GRK5: variants seen among roughly 807,000 people sequenced by gnomAD.
The protein encoded by GRK5 is G protein-coupled receptor kinase 5.
A neutral mutation model predicts 78.4 loss-of-function variants in GRK5; 40 were observed. The ratio of observed to expected loss-of-function variants is 0.51; its 90% CI spans 0.40 to 0.66. The LOEUF (loss-of-function observed/expected upper bound fraction) is 0.66. GRK5 is among the 30% of genes least tolerant of loss of function. The pLI, the probability that GRK5 is intolerant of heterozygous loss-of-function variation, is 0.00. For synonymous variants in GRK5, 289 were observed against 296.8 expected (o/e 0.97, Z 0.27); for missense variants, 598 against 759.9 (o/e 0.79, Z 2.50).
At chr10:119,307,295 T>C (rs1850287425) in intron 1 of GRK5, among the ~76,000 whole-genome samples, 1 of 152,020 alleles carries the variant, frequency 6.6e-6, no homozygotes, top group South Asian at 2.1e-4. Context: ...TAAGGCTGAA[T>C]CATGGTCCCC....
chr10:119,320,386 T>C (rs1330929268), intron 1 of GRK5, among the ~76,000 whole-genome samples: 2 of 152,206 alleles, frequency 1.3e-5, no homozygotes, highest in African/African-American at 2.4e-5. Context: ...AGCTGTGGGC[T>C]GGGTCTGGGA....
chr10:119,298,344 G>A (rs1482768576), intron 1 of GRK5, among the ~76,000 whole-genome samples: 1 of 152,152 alleles, frequency 6.6e-6, no homozygotes, highest in African/African-American at 2.4e-5. Context: ...AAACAGAGTG[G>A]AGACCTGAGG....
intron 1 of GRK5, among the ~76,000 whole-genome samples, chr10:119,275,978 C>T (rs1849664254): frequency 6.6e-6 from 1 of 152,050 alleles, no homozygotes. Flanking sequence ...TTTGAGAATC[C>T]CCCTCATTTG....
intron 1 of GRK5, among the ~76,000 whole-genome samples, chr10:119,263,112 A>G (rs1307323036): frequency 2.0e-5 from 3 of 152,006 alleles, no homozygotes; most frequent in Admixed American, 1.3e-4. Context: ...AGTTCAAGCC[A>G]TTCTCCTGCC....
At position 119,369,925 on chromosome 10, in the gene GRK5, CCAG is replaced by C. The variant is rs556208864; in HGVS notation, c.149-10889_149-10887del. Among the ~76,000 whole-genome samples, 24 of 152,264 alleles carry C rather than the reference CCAG, an allele frequency of 1.6e-4. No homozygotes were observed. The South Asian group carries it at 5.0e-3, about 32-fold the overall frequency. On this transcript the variant is annotated intron_variant, in intron 2 of 15. Coordinates refer to ENST00000392870, the MANE Select transcript of GRK5 (RefSeq NM_005308.3). Reference sequence around the variant, plus strand: ...CACCCCTGACCCTCCGTTTACCCAGCCAGTTCTTTGCCCATTCCCACTGCAAGG... The same window carrying C: ...CACCCCTGACCCTCCGTTTACCCAGCTTCTTTGCCCATTCCCACTGCAAGG...
intron 2 of GRK5, among the ~76,000 whole-genome samples, chr10:119,341,994 C>T (rs1422128347): frequency 2.0e-5 from 3 of 152,182 alleles, no homozygotes; most frequent in Admixed American, 6.5e-5. Context: ...GGCCCCTATC[C>T]GACCTCAATG....
At chr10:119,439,271 C>A (rs2133903769) in intron 9 of GRK5, among the ~76,000 whole-genome samples, 1 of 152,394 alleles carries the variant, frequency 6.6e-6, no homozygotes, top group Middle Eastern at 3.4e-3. Flanking sequence ...ATATGCCAGT[C>A]TCCTGCAGGC....
At chr10:119,293,425 T>C (rs777892450) in intron 1 of GRK5, among the ~76,000 whole-genome samples, 1 of 152,198 alleles carries the variant, frequency 6.6e-6, no homozygotes, top group Non-Finnish European at 1.5e-5. Flanking sequence ...AAAGCTTGAA[T>C]ACAATTGAGG....
chr10:119,406,670 G>T (rs1852245440), intron 4 of GRK5, among the ~76,000 whole-genome samples: 1 of 152,246 alleles, frequency 6.6e-6, no homozygotes, highest in Non-Finnish European at 1.5e-5. Context: ...AGCTGCCCCT[G>T]CTGGGCCATC....
intron 1 of GRK5, among the ~76,000 whole-genome samples, chr10:119,240,679 G>T (rs1849010425): frequency 1.3e-5 from 2 of 151,902 alleles, no homozygotes; most frequent in South Asian, 4.2e-4. Context: ...TTTTGATGGG[G>T]TTGTTTTTTT....
chr10:119,234,110 A>G (rs963465031), intron 1 of GRK5, among the ~76,000 whole-genome samples: 1 of 152,194 alleles, frequency 6.6e-6, no homozygotes, highest in African/African-American at 2.4e-5. Context: ...TCATCACCAA[A>G]ATAGCTGTAA....
intron 2 of GRK5, among the ~76,000 whole-genome samples, chr10:119,334,124 A>G (rs1292536679): frequency 6.6e-6 from 1 of 152,142 alleles, no homozygotes; most frequent in Non-Finnish European, 1.5e-5. Flanking sequence ...GGCCAGGTGC[A>G]GCGGTGCAGG....
intron 1 of GRK5, among the ~76,000 whole-genome samples, chr10:119,234,664 CT>C (rs200101550): frequency 6.6e-6 from 1 of 151,652 alleles, no homozygotes; most frequent in African/African-American, 2.4e-5. Context: ...TCTCCCTCCC[CT>C]TTTTTCTTTT....
chr10:119,273,238 T>C (rs1589715412), intron 1 of GRK5, among the ~76,000 whole-genome samples: 1 of 151,770 alleles, frequency 6.6e-6, no homozygotes, highest in Admixed American at 6.6e-5. Context: ...ATAAAGCAGG[T>C]GATTTTGAGA....
At chr10:119,450,839 T>C (rs1186420008) in intron 13 of GRK5, among the ~76,000 whole-genome samples, 4 of 152,048 alleles carry the variant, frequency 2.6e-5, no homozygotes, top group Admixed American at 2.6e-4. Flanking sequence ...GTTCCTGGCA[T>C]CCGAGGCCTC....
rs189153116 is a variant in GRK5, at chr10:119,208,103, C to A, written c.52+134C>A. The A allele has an allele frequency of 5.9e-3, 4,479 of 760,418 alleles. 22 individuals are homozygous for A. The highest frequency in any genetic ancestry group is 0.026 in the Middle Eastern group (74 of 2,806). The allele number at this position is 760,418 out of a possible 1,614,324, so 47.1% of individuals were successfully genotyped here. ...CGAGTGGGTCGCGAGCAGGACACTTCGGAGAGCGGCTCTGCAGACCCTTCA... is the reference window on the plus strand; with the variant it reads ...CGAGTGGGTCGCGAGCAGGACACTTAGGAGAGCGGCTCTGCAGACCCTTCA... On this transcript the variant is annotated intron_variant, in intron 1 of 15. Transcript: ENST00000392870.
chr10:119,253,568 C>G lies in GRK5; in HGVS notation c.52+45599C>G, dbSNP rs1416997404. On this transcript the variant is annotated intron_variant, in intron 1 of 15. Coordinates refer to ENST00000392870, the MANE Select transcript of GRK5 (RefSeq NM_005308.3). This position sits in a 1 kb window ranked among gnomAD's most constrained non-coding sequence, Gnocchi z 5.7. ...CTTGCGGGATGCTGCCCCACCACGG[C>G]TGGAACCAGGGCTTCAGCCCGGCGC... Among the ~76,000 whole-genome samples, 1 of 152,248 alleles carries G rather than the reference C, an allele frequency of 6.6e-6. No homozygotes were observed. The highest frequency in any genetic ancestry group is 2.4e-5 in the African/African-American group (1 of 41,476).
At chr10:119,252,140 G>A (rs1246759070) in intron 1 of GRK5, among the ~76,000 whole-genome samples, 2 of 152,208 alleles carry the variant, frequency 1.3e-5, no homozygotes, top group African/African-American at 4.8e-5. Context: ...GCCGATAGGG[G>A]CAGCTGTGTG....
chr10:119,260,925 C>T (rs1849373361), intron 1 of GRK5, among the ~76,000 whole-genome samples: 1 of 152,126 alleles, frequency 6.6e-6, no homozygotes, highest in African/African-American at 2.4e-5. Flanking sequence ...GTTGGGCACA[C>T]CTCCCAGACG....
Sources: allele counts gnomAD v4.1 joint callset (sites outside exome capture counted in the v4.1 genomes callset), GRCh38; gene constraint gnomAD v4.1.1; non-coding constraint Gnocchi (gnomAD v3.1); transcripts MANE v1.5; gene names NCBI Gene and HGNC (gene_info 2026-07-23, HGNC 2026-07-21).